The following RPF2 variants were observed in gnomAD, a reference collection of about 807,000 sequenced individuals.
RPF2 encodes ribosome production factor 2 homolog.
A neutral mutation model predicts 38.9 loss-of-function variants in RPF2; 21 were observed. The ratio of observed to expected loss-of-function variants is 0.54; its 90% CI spans 0.38 to 0.78. RPF2 has a LOEUF of 0.78. Among genes scored for constraint, RPF2 ranks in the 30% least tolerant of loss-of-function variants. RPF2 has a pLI of 0.00. For synonymous variants in RPF2, 121 were observed against 126.2 expected (o/e 0.96, Z 0.28); for missense variants, 314 against 358.1 (o/e 0.88, Z 0.99).
chr6:111,012,693 G>A (rs959915021), intron 7 of RPF2, among the ~76,000 whole-genome samples: 3 of 151,036 alleles, frequency 2.0e-5, no homozygotes, highest in Non-Finnish European at 4.4e-5. Flanking sequence ...TTTTTGAAAT[G>A]GAGTCTCACT....
At chr6:110,992,295 G>A (rs4571600) in intron 4 of RPF2, among the ~76,000 whole-genome samples, 57,265 of 151,800 alleles carry the variant, frequency 0.38, 12,265 homozygotes, top group East Asian at 0.67. Flanking sequence ...GGGCAACAAG[G>A]GTGAAACTCC....
intron 6 of RPF2, among the ~76,000 whole-genome samples, chr6:111,001,932 C>T (rs1184167171): frequency 1.3e-5 from 2 of 152,166 alleles, no homozygotes; most frequent in Non-Finnish European, 2.9e-5. Flanking sequence ...TTGCTTGAAG[C>T]CAGGAATTTG....
intron 6 of RPF2, among the ~76,000 whole-genome samples, chr6:111,006,507 G>T (rs978611454): frequency 1.3e-5 from 2 of 152,060 alleles, no homozygotes; most frequent in Non-Finnish European, 2.9e-5. Context: ...AAAGTGGTGG[G>T]ATTATAGGCG....
chr6:110,991,758 C>T lies in RPF2; in HGVS notation c.206C>T (p.Thr69Ile), dbSNP rs746356841. The stretch of plus-strand genomic sequence containing the variant: ...TTTGATATTCTTAGGAAAAATATTA[C>T]AAGACCTTTTGAGGATCAGACATCA... ...YGVLYKKKNITRPFEDQTSLE... is the reference protein window; with the variant it reads ...YGVLYKKKNIIRPFEDQTSLE... Residue 69 changes from threonine (T) to isoleucine (I), a missense_variant, in exon 4 of 10, where the codon ACA becomes ATA. Thr to Ile is a moderately conservative substitution (Grantham distance 89, BLOSUM62 -1). Transcript: ENST00000441448. 8.2e-7 allele frequency: 1 copy of T among 1,223,844 alleles called. No individual in the cohort carries two copies. The highest frequency in any genetic ancestry group is 1.1e-6 in the Non-Finnish European group (1 of 874,822). The allele number at this position is 1,223,844 out of a possible 1,614,324, so 75.8% of individuals were successfully genotyped here.
Position 111,008,266 on chromosome 6 carries a change from A to G in RPF2, c.493+129A>G, listed in dbSNP as rs1331492808. On this transcript the variant is annotated intron_variant, in intron 7 of 9. Coordinates refer to ENST00000441448, the MANE Select transcript of RPF2 (RefSeq NM_032194.3). ...CTTATTTTAAAAATAATATTTATAT[A>G]CTTAAAATAATGGAGTGCTTCACAA... is the stretch of plus-strand genomic sequence containing the variant. 9 of 1,036,808 alleles carry G rather than the reference A, an allele frequency of 8.7e-6. No homozygotes were observed. In the Admixed American group the frequency reaches 2.8e-4, roughly 32 times the overall value. 64.2% of individuals were successfully genotyped at this position (1,036,808 alleles called of 1,614,324 possible).
At chr6:110,998,105 A>G (rs1771749553) in intron 5 of RPF2, among the ~76,000 whole-genome samples, 1 of 151,938 alleles carries the variant, frequency 6.6e-6, no homozygotes, top group Non-Finnish European at 1.5e-5. Flanking sequence ...GGGTTTCACC[A>G]TGTTGGCCAG....
chr6:110,988,119 C>A (rs918441272), intron 2 of RPF2, among the ~76,000 whole-genome samples: 1 of 152,130 alleles, frequency 6.6e-6, no homozygotes, highest in African/African-American at 2.4e-5. Flanking sequence ...GGGAGGATCA[C>A]CTGAGCCCTG....
intron 1 of RPF2, among the ~76,000 whole-genome samples, chr6:110,983,439 C>T (rs1212639716): frequency 1.3e-5 from 2 of 152,056 alleles, no homozygotes; most frequent in Non-Finnish European, 2.9e-5. Flanking sequence ...CTCGACCTCC[C>T]TGGGATCAAG....
At chr6:111,010,283 G>C (rs559307057) in intron 7 of RPF2, among the ~76,000 whole-genome samples, 9 of 151,794 alleles carry the variant, frequency 5.9e-5, no homozygotes, top group Non-Finnish European at 1.0e-4. Context: ...ACCATGCCCA[G>C]CTAATTTTTA....
Position 110,982,051 on chromosome 6 carries a change from T to C in RPF2, c.-56T>C, listed in dbSNP as rs113485928. ...CCGGTTCCGCCTGTTCCGGCGCACG[T>C]AATCGCCGAGGGCACGTGCATGCCC... On this transcript the variant is annotated 5_prime_UTR_variant, in exon 1 of 10. Coordinates refer to ENST00000441448, the MANE Select transcript of RPF2 (RefSeq NM_032194.3). The C allele has an allele frequency of 3.8e-3, 6,104 of 1,606,434 alleles. 197 individuals carry two copies. The African/African-American group carries it at 0.074, about 19-fold the overall frequency.
Position 111,008,018 on chromosome 6 carries a change from CTTTT to C in RPF2, c.394-6_394-3del, listed in dbSNP as rs35637912. ...TTAGACTTTGGTAATTATATAATTG[CTTTT>C]TTTTTTTTTTTTTAGAACAGTAAAT... On this transcript the variant is annotated splice_polypyrimidine_tract_variant and intron_variant, in intron 6 of 9. Coordinates refer to ENST00000441448, the MANE Select transcript of RPF2 (RefSeq NM_032194.3). The C allele has an allele frequency of 3.9e-4, 558 of 1,422,822 alleles. No individual in the cohort carries two copies. Among genetic ancestry groups the C allele is most frequent in the East Asian group, 1.3e-3 (48 of 38,106 alleles). The allele number at this position is 1,422,822 out of a possible 1,614,324, so 88.1% of individuals were successfully genotyped here.
rs1018548441 is a variant in RPF2, at chr6:111,004,552, T to G, written c.394-3486T>G. On this transcript the variant is annotated intron_variant, in intron 6 of 9. Transcript: ENST00000441448. ...GCTGTATGTATTAAGTATTGGGGTTTTTTTTTTTTTGGAGACAGGGTCTTG... is the reference window on the plus strand; with the variant it reads ...GCTGTATGTATTAAGTATTGGGGTTGTTTTTTTTTTGGAGACAGGGTCTTG... 6.7e-5 allele frequency among the ~76,000 whole-genome samples: 10 copies of G among 149,078 alleles called. No homozygotes were observed. The East Asian group carries it at 1.2e-3, about 17-fold the overall frequency.
At chr6:111,003,552 G>C (rs17052476) in intron 6 of RPF2, among the ~76,000 whole-genome samples, 2,524 of 152,280 alleles carry the variant, frequency 0.017, 39 homozygotes, top group African/African-American at 0.044. Flanking sequence ...AGGAAATTGA[G>C]TGAGTATTCT....
chr6:110,992,045 G>A (rs946288313), intron 4 of RPF2, among the ~76,000 whole-genome samples: 1 of 152,214 alleles, frequency 6.6e-6, no homozygotes, highest in South Asian at 2.1e-4. Context: ...GGTGGCTCAC[G>A]CCTGTAATCC....
chr6:111,013,458 C>T (rs1772053560), intron 7 of RPF2, among the ~76,000 whole-genome samples: 1 of 152,146 alleles, frequency 6.6e-6, no homozygotes, highest in Non-Finnish European at 1.5e-5. Flanking sequence ...AGTGAAATTT[C>T]AGTTTGGCAG....
chr6:110,994,758 C>CACAT (rs1481278653), intron 4 of RPF2, among the ~76,000 whole-genome samples: 1 of 138,536 alleles, frequency 7.2e-6, no homozygotes, highest in Non-Finnish European at 1.5e-5. Flanking sequence ...CACACACACA[C>CACAT]ACACACACAC....
In RPF2 at chr6:110,984,985, G is replaced by A. The variant is rs755812162; in HGVS notation, c.24-21G>A. 4.3e-5 allele frequency: 69 copies of A among 1,603,434 alleles called. 1 individual carries two copies. In the South Asian group the frequency reaches 7.0e-4, roughly 16 times the overall value. On this transcript the variant is annotated intron_variant, in intron 1 of 9. Coordinates refer to ENST00000441448, the MANE Select transcript of RPF2 (RefSeq NM_032194.3). ...GTGAGGAAAATGTTTAAATAGTTAT[G>A]AATTGTGCTTTTCTGAACAGAAAGC...
intron 6 of RPF2, among the ~76,000 whole-genome samples, chr6:111,005,374 C>T (rs1400402846): frequency 6.6e-6 from 1 of 152,176 alleles, no homozygotes; most frequent in Non-Finnish European, 1.5e-5. Context: ...AGTCATTCAC[C>T]TTCCTCCATA....
rs1209154417 is a variant in RPF2, at chr6:111,024,293, A to C, written c.707A>C (p.Tyr236Ser). 2 of 1,612,278 alleles carry C rather than the reference A, an allele frequency of 1.2e-6. No individual in the cohort carries two copies. The highest frequency in any genetic ancestry group is 1.7e-6 in the Non-Finnish European group (2 of 1,179,890). ...RRTHLASDDL[Y>S]KLSMKMPKAL... Reference sequence around the variant, plus strand: ...ACACACCTGGCATCGGATGACCTTTATAAATTATCTATGAAAATGCCAAAA... The same window carrying C: ...ACACACCTGGCATCGGATGACCTTTCTAAATTATCTATGAAAATGCCAAAA... Residue 236 changes from tyrosine to serine, a missense_variant, in exon 9 of 10, where the codon TAT becomes TCT. Tyr to Ser is a moderately radical substitution (Grantham distance 144). Transcript: ENST00000441448.
Sources: gnomAD v4.1 joint callset for allele counts (sites outside exome capture counted in the v4.1 genomes callset) on GRCh38, gnomAD v4.1.1 for gene constraint, MANE v1.5 for transcripts, NCBI Gene and HGNC (gene_info 2026-07-23, HGNC 2026-07-21) for gene names.